The following KLHL3 variants were observed in gnomAD, a reference collection of about 807,000 sequenced individuals.
The protein encoded by KLHL3 is kelch like family member 3.
Under a neutral mutation model 70.5 loss-of-function variants are expected in KLHL3, and 19 were observed. The observed-to-expected ratio is 0.27, with a 90% CI of 0.19 to 0.40. The LOEUF is 0.40. Ranked by LOEUF, KLHL3 falls within the 10% of genes least tolerant of loss-of-function variation. The probability of loss-of-function intolerance (pLI) is 1.00; values close to 1 mark genes in which losing one functional copy is unlikely to be tolerated. For synonymous variants in KLHL3, 258 were observed against 290.3 expected (o/e 0.89, Z 1.13); for missense variants, 512 against 771.1 (o/e 0.66, Z 3.98).
chr5:137,708,292 C>T (rs914846155), intron 3 of KLHL3, among the ~76,000 whole-genome samples: 6 of 152,222 alleles, frequency 3.9e-5, no homozygotes, highest in African/African-American at 1.4e-4. Context: ...AGTGCCAAGT[C>T]TCTCCCAACA....
chr5:137,633,278 C>CAAAAAA (rs56084512), intron 12 of KLHL3, among the ~76,000 whole-genome samples: 1 of 72,014 alleles, frequency 1.4e-5, no homozygotes, highest in Non-Finnish European at 2.3e-5. Flanking sequence ...GACTTCATCT[C>CAAAAAA]AAAAAAAAAA....
intron 12 of KLHL3, among the ~76,000 whole-genome samples, chr5:137,631,231 T>G (rs1750630455): frequency 6.6e-6 from 1 of 152,176 alleles, no homozygotes; most frequent in African/African-American, 2.4e-5. Flanking sequence ...AGTGGACTGA[T>G]GCCTCTGTCT....
At chr5:137,685,950 C>T (rs1031391085) in intron 5 of KLHL3, among the ~76,000 whole-genome samples, 2 of 152,206 alleles carry the variant, frequency 1.3e-5, no homozygotes, top group Non-Finnish European at 2.9e-5. Context: ...CACCCATGTG[C>T]TTTTTCTGTA....
At position 137,735,852 on chromosome 5, in the gene KLHL3, A is replaced by T. The variant is rs1248647718; in HGVS notation, c.-206T>A. The T allele has an allele frequency of 1.5e-6, 1 of 669,794 alleles. No individual in the cohort carries two copies. Among genetic ancestry groups the T allele is most frequent in the East Asian group, 2.7e-5 (1 of 36,882 alleles). The allele number at this position is 669,794 out of a possible 1,614,324, so 41.5% of individuals were successfully genotyped here. On this transcript the variant is annotated 5_prime_UTR_variant, in exon 1 of 15. Coordinates refer to ENST00000309755, the MANE Select transcript of KLHL3 (RefSeq NM_017415.3). ...CTTCTACCGCAAAAGCAGCAGCAAC[A>T]GAAAATGTCTTACCCAGAGCTCCCT...
chr5:137,711,123 T>A (rs1193194686), intron 2 of KLHL3, among the ~76,000 whole-genome samples: 2 of 152,194 alleles, frequency 1.3e-5, no homozygotes, highest in African/African-American at 2.4e-5. Flanking sequence ...AGATTCTGTG[T>A]GAGAATGTTG....
chr5:137,638,483 C>A (rs190130899), intron 10 of KLHL3, among the ~76,000 whole-genome samples: 6 of 152,218 alleles, frequency 3.9e-5, no homozygotes. Flanking sequence ...AGGAGGCTCA[C>A]CTATGGTGAA....
intron 6 of KLHL3, among the ~76,000 whole-genome samples, chr5:137,675,109 A>AT: frequency 6.6e-6 from 1 of 152,366 alleles, no homozygotes; most frequent in South Asian, 2.1e-4. Flanking sequence ...TATGAAAAGC[A>AT]GCACATAATT....
intron 11 of KLHL3, among the ~76,000 whole-genome samples, chr5:137,636,893 A>G (rs1189474505): frequency 6.6e-6 from 1 of 152,216 alleles, no homozygotes; most frequent in Non-Finnish European, 1.5e-5. Context: ...AATGTTCAAC[A>G]TATGAATATG....
intron 3 of KLHL3, among the ~76,000 whole-genome samples, chr5:137,704,667 T>G (rs549607707): frequency 5.9e-5 from 9 of 152,348 alleles, no homozygotes; most frequent in African/African-American, 1.9e-4. Flanking sequence ...AGTTGCACCT[T>G]AATGGAGAAA....
intron 4 of KLHL3, among the ~76,000 whole-genome samples, chr5:137,695,590 T>C (rs985498366): frequency 6.6e-6 from 1 of 152,316 alleles, no homozygotes; most frequent in Admixed American, 6.5e-5. Flanking sequence ...CCAATGGGGT[T>C]CTGGGATCTA....
At chr5:137,706,798 T>G (rs2149927679) in intron 3 of KLHL3, among the ~76,000 whole-genome samples, 1 of 152,338 alleles carries the variant, frequency 6.6e-6, no homozygotes, top group African/African-American at 2.4e-5. Context: ...AAACAAATTT[T>G]TATTGATCAC....
At chr5:137,711,111 C>G (rs929031655) in intron 2 of KLHL3, among the ~76,000 whole-genome samples, 1 of 152,202 alleles carries the variant, frequency 6.6e-6, no homozygotes, top group Non-Finnish European at 1.5e-5. Flanking sequence ...GAGGTCATGA[C>G]TAGATTCTGT....
chr5:137,696,939 C>A (rs1411354443), intron 4 of KLHL3, among the ~76,000 whole-genome samples: 4 of 152,214 alleles, frequency 2.6e-5, no homozygotes, highest in African/African-American at 9.6e-5. Flanking sequence ...TGGGAAGGGA[C>A]TCCAGGTGTA....
chr5:137,698,237 G>T (rs768271843), intron 4 of KLHL3, 50 bp downstream of exon 4: 3 of 1,597,944 alleles, frequency 1.9e-6, no homozygotes, highest in Non-Finnish European at 2.6e-6. Flanking sequence ...CTGTAAAATG[G>T]TGGGTCCTGA....
chr5:137,636,480 T>A (rs1750769157), intron 11 of KLHL3, among the ~76,000 whole-genome samples: 1 of 152,218 alleles, frequency 6.6e-6, no homozygotes, highest in Admixed American at 6.5e-5. Context: ...TTTGGTACAT[T>A]GAATTCACAC....
chr5:137,686,375 A>T (rs906717137), intron 5 of KLHL3, among the ~76,000 whole-genome samples: 5 of 152,242 alleles, frequency 3.3e-5, no homozygotes, highest in African/African-American at 1.2e-4. Flanking sequence ...TCTCCTCCCC[A>T]TTCCCCCTGT....
At chr5:137,689,967 A>C (rs1329345718) in intron 5 of KLHL3, among the ~76,000 whole-genome samples, 1 of 152,358 alleles carries the variant, frequency 6.6e-6, no homozygotes, top group African/African-American at 2.4e-5. Context: ...GAGACACAGA[A>C]GAAGGAGACA....
At chr5:137,624,498 T>C (rs539511982) in intron 14 of KLHL3, among the ~76,000 whole-genome samples, 1 of 152,126 alleles carries the variant, frequency 6.6e-6, no homozygotes, top group Non-Finnish European at 1.5e-5. Flanking sequence ...AAAAAAACTC[T>C]AAAGGAAGAA....
At chr5:137,724,663 T>C (rs1236053949) in intron 1 of KLHL3, among the ~76,000 whole-genome samples, 2 of 152,198 alleles carry the variant, frequency 1.3e-5, no homozygotes, top group African/African-American at 4.8e-5. Context: ...AGGCAAGGCT[T>C]GACATCTGAA....
Sources: gnomAD v4.1 joint callset for allele counts (sites outside exome capture counted in the v4.1 genomes callset) on GRCh38, gnomAD v4.1.1 for gene constraint, MANE v1.5 for transcripts, NCBI Gene and HGNC (gene_info 2026-07-23, HGNC 2026-07-21) for gene names.